XYLT1: variants seen among roughly 807,000 people sequenced by gnomAD.
XYLT1 encodes beta-D-xylosyltransferase 1.
Under a neutral mutation model 91.3 loss-of-function variants are expected in XYLT1, and 36 were observed. The observed-to-expected ratio is 0.39, with a 90% confidence interval of 0.30 to 0.52. The LOEUF is 0.52. Ranked by LOEUF, XYLT1 falls within the 20% of genes least tolerant of loss-of-function variation. The probability of loss-of-function intolerance (pLI) is 0.68; values close to 1 mark genes in which losing one functional copy is unlikely to be tolerated. For synonymous variants in XYLT1, 588 were observed against 532.0 expected (o/e 1.11, Z -1.45); for missense variants, 1,242 against 1,284.5 (o/e 0.97, Z 0.51).
intron 1 of XYLT1, among the ~76,000 whole-genome samples, chr16:17,369,130 CTTTTTTTTT>C (rs36042244): frequency 8.0e-6 from 1 of 124,888 alleles, no homozygotes; most frequent in African/African-American, 3.0e-5. Context: ...AAAAATACTT[CTTTTTTTTT>C]TTTTTTTTTT....
At chr16:17,284,222 G>A (rs770454389) in intron 2 of XYLT1, among the ~76,000 whole-genome samples, 5 of 152,132 alleles carry the variant, frequency 3.3e-5, no homozygotes, top group Non-Finnish European at 7.3e-5. Flanking sequence ...CACAGCAACC[G>A]GTACTTAGCA....
chr16:17,224,457 A>T (rs2033028210), intron 3 of XYLT1, among the ~76,000 whole-genome samples: 1 of 152,190 alleles, frequency 6.6e-6, no homozygotes, highest in African/African-American at 2.4e-5. Context: ...TCGCAGTCTT[A>T]TCAGTGTATC....
intron 3 of XYLT1, among the ~76,000 whole-genome samples, chr16:17,253,361 G>A (rs2033574933): frequency 6.6e-6 from 1 of 152,128 alleles, no homozygotes; most frequent in Non-Finnish European, 1.5e-5. Context: ...CAGGTCCTGG[G>A]AGGGTGCGCT....
rs748655641 is a variant in XYLT1, at chr16:17,134,530, C to T, written c.1970G>A (p.Arg657His). The change falls in exon 9 of 12, where the codon CGC (arginine) becomes CAC (histidine). Residue 657 changes from arginine (R) to histidine (H), a missense_variant. Physicochemically the swap from Arg to His is conservative, Grantham distance 29 (BLOSUM62 0). Around this residue, in one of 3 missense-constraint regions of XYLT1, gnomAD observed 511 missense variants for 497.0 expected, o/e 1.03. Coordinates refer to ENST00000261381, the MANE Select transcript of XYLT1 (RefSeq NM_022166.4). ...VTLTLYHSFA[R>H]LGLRRAETSL... ...CGTCTCGGCCCGTCGAAGACCCAGG[C>T]GGGCAAAGGAGTGGTACAAGGTGAG... The T allele has an allele frequency of 2.7e-5, 44 of 1,614,006 alleles. No individual in the cohort carries two copies. The highest frequency in any genetic ancestry group is 1.7e-4 in the Admixed American group (10 of 59,990).
At chr16:17,429,495 A>C (rs1377877919) in intron 1 of XYLT1, among the ~76,000 whole-genome samples, 1 of 152,208 alleles carries the variant, frequency 6.6e-6, no homozygotes, top group African/African-American at 2.4e-5. Flanking sequence ...ATTAAGTTGT[A>C]GGGCCTCATG....
intron 2 of XYLT1, among the ~76,000 whole-genome samples, chr16:17,351,265 A>G (rs2035216550): frequency 6.6e-6 from 1 of 152,172 alleles, no homozygotes; most frequent in Non-Finnish European, 1.5e-5. Context: ...CTGTAATCCC[A>G]GCACTTTTGG....
rs75967350 is a variant in XYLT1, at chr16:17,412,345, G to A, written c.364-54295C>T. The stretch of plus-strand genomic sequence containing the variant: ...ACCTGGCACACAGCACCAGGTCCAC[G>A]TGAGGGGGTCCTGGCGCACACACAC... On this transcript the variant is annotated intron_variant, in intron 1 of 11. Transcript: ENST00000261381. Among the ~76,000 whole-genome samples the A allele has an allele frequency of 1.9e-3, 291 of 151,960 alleles. 8 individuals carry two copies. In the East Asian group the frequency reaches 0.051, roughly 27 times the overall value.
chr16:17,155,343 TAG>T (rs1312339866), intron 6 of XYLT1, among the ~76,000 whole-genome samples: 1 of 151,436 alleles, frequency 6.6e-6, no homozygotes, highest in Non-Finnish European at 1.5e-5. Context: ...ACAGAACTAA[TAG>T]AGAGTCTGGG....
At chr16:17,457,997 T>C (rs974596223) in intron 1 of XYLT1, among the ~76,000 whole-genome samples, 2 of 152,242 alleles carry the variant, frequency 1.3e-5, no homozygotes, top group Non-Finnish European at 2.9e-5. Context: ...ACTGTTGTAT[T>C]ACTTGATCCA....
At chr16:17,172,304 A>C (rs1402027406) in intron 5 of XYLT1, among the ~76,000 whole-genome samples, 2 of 149,800 alleles carry the variant, frequency 1.3e-5, no homozygotes, top group Non-Finnish European at 3.0e-5. Context: ...CTTTGGAATT[A>C]CTTGAAGTTT....
intron 2 of XYLT1, among the ~76,000 whole-genome samples, chr16:17,300,014 G>C (rs1390499240): frequency 6.6e-6 from 1 of 151,914 alleles, no homozygotes; most frequent in Non-Finnish European, 1.5e-5. Flanking sequence ...GCCTGGTAGG[G>C]AAATACCAGA....
chr16:17,421,717 C>T (rs1026911494), intron 1 of XYLT1, among the ~76,000 whole-genome samples: 1 of 152,124 alleles, frequency 6.6e-6, no homozygotes, highest in Non-Finnish European at 1.5e-5. Context: ...CACATGGAGC[C>T]GAGACAAACC....
chr16:17,235,305 T>C (rs550309091), intron 3 of XYLT1, among the ~76,000 whole-genome samples: 10 of 103,160 alleles, frequency 9.7e-5, no homozygotes, highest in African/African-American at 4.1e-4. Flanking sequence ...ATCATCATTA[T>C]CATCTTTTTT....
intron 5 of XYLT1, among the ~76,000 whole-genome samples, chr16:17,180,858 T>C (rs1309828209): frequency 1.3e-5 from 2 of 152,136 alleles, no homozygotes; most frequent in Non-Finnish European, 2.9e-5. Flanking sequence ...AAGACTTTGC[T>C]CTCTGCGTTG....
chr16:17,433,083 A>C (rs2036411235), intron 1 of XYLT1, among the ~76,000 whole-genome samples: 1 of 152,180 alleles, frequency 6.6e-6, no homozygotes, highest in East Asian at 1.9e-4. Context: ...GAGTGACGGT[A>C]ATGATGACAA....
intron 2 of XYLT1, among the ~76,000 whole-genome samples, chr16:17,292,355 T>A (rs1018866680): frequency 6.6e-6 from 1 of 152,210 alleles, no homozygotes; most frequent in African/African-American, 2.4e-5. Flanking sequence ...TGAATCTGTG[T>A]CACAGACGAG....
chr16:17,350,942 G>C (rs1246538823), intron 2 of XYLT1, among the ~76,000 whole-genome samples: 1 of 152,098 alleles, frequency 6.6e-6, no homozygotes, highest in African/African-American at 2.4e-5. Context: ...CAAGATATTT[G>C]AAAGATCTTC....
intron 6 of XYLT1, 112 bp downstream of exon 6, chr16:17,158,717 T>C (rs763823524): frequency 4.1e-5 from 47 of 1,154,878 alleles, no homozygotes; most frequent in Non-Finnish European, 5.0e-5. Context: ...GCCAAGCCTT[T>C]CTCCCACCCT....
chr16:17,274,078 A>G (rs2141776891), intron 2 of XYLT1, among the ~76,000 whole-genome samples: 1 of 151,590 alleles, frequency 6.6e-6, no homozygotes, highest in African/African-American at 2.4e-5. Context: ...TGCCTGGCTA[A>G]TTTTTGTATT....
Sources: allele counts gnomAD v4.1 joint callset (sites outside exome capture counted in the v4.1 genomes callset), GRCh38; gene constraint gnomAD v4.1.1; regional missense constraint gnomAD v4.1.1; transcripts MANE v1.5; gene names NCBI Gene and HGNC (gene_info 2026-07-23, HGNC 2026-07-21).